SUMF2: variants seen among roughly 807,000 people sequenced by gnomAD.
SUMF2 encodes the protein sulfatase modifying factor 2.
A neutral mutation model predicts 44.8 loss-of-function variants in SUMF2; 45 were observed. The observed-to-expected ratio is 1.00, with a 90% confidence interval of 0.79 to 1.29. SUMF2 has a LOEUF of 1.29. Ranked by LOEUF, SUMF2 falls within the 50% of genes most tolerant of loss-of-function variation. The probability of loss-of-function intolerance (pLI) is 0.00; values close to 1 mark genes in which losing one functional copy is unlikely to be tolerated. For missense variants in SUMF2, 418 were observed against 389.9 expected, an observed-to-expected ratio of 1.07 and a Z score of -0.61; for synonymous variants, 148 against 150.4, an observed-to-expected ratio of 0.98 and a Z score of 0.12.
chr7:56,081,928 C>G, downstream of SUMF2: 4 of 1,613,660 alleles, frequency 2.5e-6, no homozygotes, highest in Non-Finnish European at 3.4e-6. The surrounding 1 kb of genome is among the most constrained non-coding windows in gnomAD (Gnocchi z 4.6). Context: ...TCATCCCACT[C>G]GGGCGAGCCA....
intron 5 of SUMF2, 121 bp downstream of exon 5, chr7:56,074,857 G>A (rs1795436323): frequency 7.8e-7 from 1 of 1,288,594 alleles, no homozygotes; most frequent in South Asian, 1.4e-5. Context: ...CAACACTTTG[G>A]GAGGCTGGGG....
At chr7:56,070,966 A>G (rs1420119988) in intron 2 of SUMF2, among the ~76,000 whole-genome samples, 1 of 152,218 alleles carries the variant, frequency 6.6e-6, no homozygotes, top group Non-Finnish European at 1.5e-5. Flanking sequence ...AACTATAGGG[A>G]CAAAAAAACC....
intron 2 of SUMF2, among the ~76,000 whole-genome samples, chr7:56,068,859 C>T (rs1794986502): frequency 1.3e-5 from 2 of 151,800 alleles, no homozygotes; most frequent in Admixed American, 6.6e-5. Flanking sequence ...TTCACCACCA[C>T]GCCCGGCTAA....
chr7:56,087,227 A>ATTATT, the SUMF2 span, among the ~76,000 whole-genome samples: 1 of 147,648 alleles, frequency 6.8e-6, no homozygotes, highest in South Asian at 2.1e-4. Flanking sequence ...TATTATTATT[A>ATTATT]TTATTATTAT....
chr7:56,069,705 C>A (rs1270225576), intron 2 of SUMF2, among the ~76,000 whole-genome samples: 3 of 151,808 alleles, frequency 2.0e-5, no homozygotes, highest in Non-Finnish European at 4.4e-5. Context: ...AGGCTCAAAC[C>A]ATCACCTGGG....
chr7:56,075,128 G>C (rs1359884522), intron 5 of SUMF2, among the ~76,000 whole-genome samples: 3 of 151,982 alleles, frequency 2.0e-5, no homozygotes, highest in Admixed American at 1.3e-4. Context: ...GGGGCAGGAA[G>C]GGTCTGTGTT....
chr7:56,081,196 C>A, downstream of SUMF2: 1 of 1,613,906 alleles, frequency 6.2e-7, no homozygotes. The surrounding 1 kb of genome is among the most constrained non-coding windows in gnomAD (Gnocchi z 4.6). Context: ...GCGCAGAGGC[C>A]GGAGGGCATA....
chr7:56,083,085 G>A (rs184991696), downstream of SUMF2: 710 of 529,536 alleles, frequency 1.3e-3, 6 homozygotes, highest in African/African-American at 0.013. Context: ...CAGCCTGGGC[G>A]ACAGAGTGAG....
intron 2 of SUMF2, among the ~76,000 whole-genome samples, chr7:56,071,949 A>G (rs146222051): frequency 6.6e-6 from 1 of 151,066 alleles, no homozygotes; most frequent in Non-Finnish European, 1.5e-5. Flanking sequence ...TCTCTACTAA[A>G]AAGACAAAAA....
At chr7:56,082,652 G>A (rs1326911856), downstream of SUMF2, among the ~76,000 whole-genome samples, 2 of 151,994 alleles carry the variant, frequency 1.3e-5, no homozygotes, top group East Asian at 3.9e-4. Flanking sequence ...AATGGCGCTC[G>A]GGCTGGGACT....
chr7:56,080,089 T>G lies in SUMF2; in HGVS notation c.*477T>G, dbSNP rs1795878342. 1 of 561,914 alleles carries G rather than the reference T, an allele frequency of 1.8e-6. No individual in the cohort carries two copies. The highest frequency in any genetic ancestry group is 1.9e-5 in the African/African-American group (1 of 53,186). The allele number at this position is 561,914 out of a possible 1,614,324, so 34.8% of individuals were successfully genotyped here. A position where few individuals can be genotyped will look rare whatever the true frequency, so the allele number is the denominator to read the frequency against. ...CCTCATCTGTGGTTTCGTGTCCCTC[T>G]GAAGGAAACTAGTTTCCACTGTGTA... On this transcript the variant is annotated 3_prime_UTR_variant, in exon 9 of 9. Coordinates refer to ENST00000434526, the MANE Select transcript of SUMF2 (RefSeq NM_015411.4).
intron 3 of SUMF2, chr7:56,073,882 A>C (rs1233175395): frequency 2.1e-6 from 1 of 473,854 alleles, no homozygotes; most frequent in Non-Finnish European, 3.7e-6. Flanking sequence ...GGGCATGGTC[A>C]TGCACACCTG....
chr7:56,071,757 C>T (rs62457282), intron 2 of SUMF2, among the ~76,000 whole-genome samples: 25,546 of 150,420 alleles, frequency 0.17, 2,640 homozygotes, highest in Admixed American at 0.24. Flanking sequence ...TGCACTCAAG[C>T]CTGGGCCATA....
chr7:56,079,162 C>T, intron 8 of SUMF2: 1 of 495,358 alleles, frequency 2.0e-6, no homozygotes, highest in South Asian at 4.0e-5. Context: ...GTGTGAGCCA[C>T]TGCACCCGGC....
At chr7:56,068,669 A>C (rs1402644822) in intron 2 of SUMF2, 31 bp downstream of exon 2, 1 of 1,603,160 alleles carries the variant, frequency 6.2e-7, no homozygotes, top group South Asian at 1.1e-5. Flanking sequence ...GGAGGAATGA[A>C]GACCCTCTCT....
chr7:56,067,696 C>T (rs1029906198), intron 1 of SUMF2, among the ~76,000 whole-genome samples: 1 of 151,744 alleles, frequency 6.6e-6, no homozygotes, highest in Non-Finnish European at 1.5e-5. Flanking sequence ...AGTTTGAGAC[C>T]AGCCTGGGCG....
intron 1 of SUMF2, among the ~76,000 whole-genome samples, chr7:56,066,671 A>G (rs1443307306): frequency 6.6e-6 from 1 of 152,166 alleles, no homozygotes; most frequent in Non-Finnish European, 1.5e-5. Context: ...CCCAGGCCGG[A>G]GTGCAGTGGC....
chr7:56,084,207 A>G, downstream of SUMF2: 4 of 1,534,648 alleles, frequency 2.6e-6, no homozygotes, highest in South Asian at 1.2e-5. Context: ...CCCAAGCACC[A>G]TTTCTGTTCC....
At chr7:56,074,038 AAAAAAAT>A in intron 3 of SUMF2, 129 bp from the exon 4 acceptor site, 4 of 635,318 alleles carry the variant, frequency 6.3e-6, no homozygotes, top group Non-Finnish European at 8.2e-6. Flanking sequence ...AAAAAAAAAA[AAAAAAAT>A]CAGCCACAAC....
Sources: gnomAD v4.1 joint callset for allele counts (sites outside exome capture counted in the v4.1 genomes callset) on GRCh38, gnomAD v4.1.1 for gene constraint, Gnocchi (gnomAD v3.1) non-coding constraint, MANE v1.5 for transcripts, NCBI Gene and HGNC (gene_info 2026-07-23, HGNC 2026-07-21) for gene names.